Variants in TSPAN18 observed in about 807,000 individuals in gnomAD.
TSPAN18 encodes tetraspanin 18.
In TSPAN18, 14 loss-of-function variants were observed where a neutral mutation model predicts 27.3. The observed-to-expected ratio is 0.51, with a 90% CI of 0.34 to 0.80. The LOEUF (loss-of-function observed/expected upper bound fraction) is 0.80. Among genes scored for constraint, TSPAN18 ranks in the 30% least tolerant of loss-of-function variants. The pLI, the probability that TSPAN18 is intolerant of heterozygous loss-of-function variation, is 0.01. For synonymous variants in TSPAN18, 143 were observed against 136.5 expected (o/e 1.05, Z -0.33); for missense variants, 268 against 323.9 (o/e 0.83, Z 1.32).
chr11:44,795,212 C>T (rs1166437742), intron 2 of TSPAN18, among the ~76,000 whole-genome samples: 1 of 152,094 alleles, frequency 6.6e-6, no homozygotes, highest in African/African-American at 2.4e-5. Flanking sequence ...GGTCCTCACG[C>T]CAGCTGCTTC....
At chr11:44,869,196 C>T (rs1858124409) in intron 3 of TSPAN18, among the ~76,000 whole-genome samples, 1 of 152,192 alleles carries the variant, frequency 6.6e-6, no homozygotes, top group Admixed American at 6.5e-5. Context: ...GGTTTTGACT[C>T]CTTGAGAGGT....
In TSPAN18 at chr11:44,845,177, T is replaced by G. The variant is rs183250720; in HGVS notation, c.-152-15151T>G. On this transcript the variant is annotated intron_variant, in intron 2 of 9. Coordinates refer to ENST00000520358, the MANE Select transcript of TSPAN18 (RefSeq NM_130783.5). ...CCCAGAGCAGGGGGACACAGTGGAA[T>G]TTAGTCCTGCATTTGGGCATTCAAA... Among the ~76,000 whole-genome samples, 5 of 152,334 alleles carry G rather than the reference T, an allele frequency of 3.3e-5. No individual in the cohort carries two copies. In the East Asian group the frequency reaches 9.6e-4, roughly 29 times the overall value.
chr11:44,819,559 G>A (rs923818751), intron 2 of TSPAN18, among the ~76,000 whole-genome samples: 8 of 152,210 alleles, frequency 5.3e-5, no homozygotes, highest in African/African-American at 1.9e-4. Context: ...GAAGTCAAAC[G>A]GCACAGTCAA....
chr11:44,838,650 G>A lies in TSPAN18; in HGVS notation c.-152-21678G>A, dbSNP rs115175340. The stretch of plus-strand genomic sequence containing the variant: ...GGAGTGACGCCACCTGTGAAAGACT[G>A]GACTGGCCGCTGCTGGCTCTGAAGA... On this transcript the variant is annotated intron_variant, in intron 2 of 9. Coordinates refer to ENST00000520358, the MANE Select transcript of TSPAN18 (RefSeq NM_130783.5). Among the ~76,000 whole-genome samples the A allele has an allele frequency of 5.6e-3, 851 of 152,232 alleles. 7 individuals are homozygous for A. Among genetic ancestry groups the A allele is most frequent in the African/African-American group, 0.02 (825 of 41,526 alleles).
At chr11:44,815,159 C>G (rs1186274565) in intron 2 of TSPAN18, among the ~76,000 whole-genome samples, 1 of 152,184 alleles carries the variant, frequency 6.6e-6, no homozygotes, top group Non-Finnish European at 1.5e-5. Context: ...TAGGCTCCCA[C>G]CTGTAATGTA....
intron 1 of TSPAN18, among the ~76,000 whole-genome samples, chr11:44,747,482 T>C (rs4755885): frequency 0.063 from 9,592 of 152,196 alleles, 760 homozygotes; most frequent in African/African-American, 0.19. Flanking sequence ...GTACTGAGCC[T>C]GGTTTGTACT....
intron 8 of TSPAN18, among the ~76,000 whole-genome samples, chr11:44,922,315 C>T (rs1860173411): frequency 6.6e-6 from 1 of 152,170 alleles, no homozygotes; most frequent in South Asian, 2.1e-4. Flanking sequence ...ACCGGCATTT[C>T]ACCATGTTGT....
chr11:44,892,228 C>G (rs1858876245), intron 3 of TSPAN18, among the ~76,000 whole-genome samples: 1 of 152,210 alleles, frequency 6.6e-6, no homozygotes. Flanking sequence ...CCCCAGATCA[C>G]CAGTTTGGCT....
intron 2 of TSPAN18, among the ~76,000 whole-genome samples, chr11:44,792,118 A>T (rs1189527125): frequency 1.3e-5 from 2 of 152,214 alleles, no homozygotes; most frequent in African/African-American, 4.8e-5. Flanking sequence ...TAAATATTAT[A>T]TAATTTCATG....
intron 2 of TSPAN18, among the ~76,000 whole-genome samples, chr11:44,837,214 A>G (rs1857281985): frequency 1.3e-5 from 2 of 152,258 alleles, no homozygotes; most frequent in Admixed American, 6.5e-5. Context: ...CTTGAGAGGA[A>G]GTCAAAACAG....
intron 1 of TSPAN18, among the ~76,000 whole-genome samples, chr11:44,747,118 A>T (rs913309336): frequency 4.6e-5 from 7 of 152,344 alleles, no homozygotes; most frequent in South Asian, 4.1e-4. Flanking sequence ...CCAGCAGCTA[A>T]TTCTGCTGGT....
intron 2 of TSPAN18, among the ~76,000 whole-genome samples, chr11:44,838,322 A>G (rs1424141296): frequency 6.6e-6 from 1 of 152,192 alleles, no homozygotes; most frequent in Non-Finnish European, 1.5e-5. Context: ...TTTATAAATC[A>G]GATCTCATGA....
intron 2 of TSPAN18, among the ~76,000 whole-genome samples, chr11:44,803,364 A>G (rs908644883): frequency 3.9e-5 from 6 of 152,186 alleles, no homozygotes; most frequent in African/African-American, 1.4e-4. Context: ...TCAGCAAAGA[A>G]GGTATCCTCC....
chr11:44,864,710 G>A (rs972892454), intron 3 of TSPAN18, among the ~76,000 whole-genome samples: 14 of 152,226 alleles, frequency 9.2e-5, no homozygotes, highest in African/African-American at 3.4e-4. Flanking sequence ...AGTGTTTCAC[G>A]GGGAAGATGG....
In TSPAN18 at chr11:44,762,099, G is replaced by T. The variant is rs148851207; in HGVS notation, c.-239-2327G>T. 1.8e-4 allele frequency among the ~76,000 whole-genome samples: 27 copies of T among 152,332 alleles called. 1 individual carries two copies. The East Asian group carries it at 5.2e-3, about 29-fold the overall frequency. On this transcript the variant is annotated intron_variant, in intron 1 of 9. Transcript: ENST00000520358. ...CAGCACTACCCAAAGGCGGGATGTGGCCAGCCTCTCCTCTGCCAACTTCTA... is the reference window on the plus strand; with the variant it reads ...CAGCACTACCCAAAGGCGGGATGTGTCCAGCCTCTCCTCTGCCAACTTCTA...
chr11:44,807,548 A>C (rs1408909706), intron 2 of TSPAN18, among the ~76,000 whole-genome samples: 1 of 151,060 alleles, frequency 6.6e-6, no homozygotes, highest in East Asian at 1.9e-4. Context: ...AAAAAAAAAA[A>C]AAAGAAAAGA....
In TSPAN18 at chr11:44,824,503, T is replaced by C. The variant is rs540971040; in HGVS notation, c.-152-35825T>C. ...TCCCTAGGAGGGGCATTGGCCATTC[T>C]GCCCTAACCGAATACCTCTGGGGCA... On this transcript the variant is annotated intron_variant, in intron 2 of 9. Transcript: ENST00000520358. Among the ~76,000 whole-genome samples the C allele has an allele frequency of 3.9e-5, 6 of 152,354 alleles. No homozygotes were observed. The East Asian group carries it at 1.2e-3, about 29-fold the overall frequency.
intron 2 of TSPAN18, among the ~76,000 whole-genome samples, chr11:44,811,664 G>T (rs1289445183): frequency 2.0e-5 from 3 of 152,090 alleles, no homozygotes; most frequent in Non-Finnish European, 4.4e-5. Flanking sequence ...GTTTCACCAT[G>T]TTGGCCAGGT....
chr11:44,792,929 A>G (rs1237492083), intron 2 of TSPAN18, among the ~76,000 whole-genome samples: 2 of 152,168 alleles, frequency 1.3e-5, no homozygotes, highest in African/African-American at 4.8e-5. Flanking sequence ...GGAGTGGTCC[A>G]GCTCCTGCAA....
Sources: gnomAD v4.1 joint callset for allele counts (sites outside exome capture counted in the v4.1 genomes callset) on GRCh38, gnomAD v4.1.1 for gene constraint, MANE v1.5 for transcripts, NCBI Gene and HGNC (gene_info 2026-07-23, HGNC 2026-07-21) for gene names.